Variants in PLEKHA7 observed in about 807,000 individuals in gnomAD.
The protein encoded by PLEKHA7 is pleckstrin homology domain containing A7.
A neutral mutation model predicts 170.0 loss-of-function variants in PLEKHA7; 104 were observed. That is an observed-to-expected ratio of 0.61 (90% confidence interval 0.52 to 0.72). The LOEUF (loss-of-function observed/expected upper bound fraction) is 0.72, where lower values mean the gene tolerates loss of function less well. Ranked by LOEUF, PLEKHA7 falls within the 30% of genes least tolerant of loss-of-function variation. The probability of loss-of-function intolerance (pLI) is 0.00; values close to 1 mark genes in which losing one functional copy is unlikely to be tolerated. For synonymous variants in PLEKHA7, 648 were observed against 660.8 expected (o/e 0.98, Z 0.30); for missense variants, 1,615 against 1,671.7 (o/e 0.97, Z 0.59).
At chr11:16,895,339 A>G (rs1007934517) in intron 3 of PLEKHA7, among the ~76,000 whole-genome samples, 1 of 152,154 alleles carries the variant, frequency 6.6e-6, no homozygotes, top group African/African-American at 2.4e-5. Context: ...AATAACTCCT[A>G]CCTCTGAAGA....
intron 3 of PLEKHA7, among the ~76,000 whole-genome samples, chr11:16,966,197 A>G (rs769457913): frequency 6.6e-6 from 1 of 152,068 alleles, no homozygotes; most frequent in East Asian, 1.9e-4. Context: ...AAACAAACAC[A>G]TGCACAAGAC....
chr11:16,801,321 G>A (rs1014109077), intron 16 of PLEKHA7, among the ~76,000 whole-genome samples: 1 of 152,206 alleles, frequency 6.6e-6, no homozygotes, highest in Admixed American at 6.5e-5. Flanking sequence ...GCCCTGGCCT[G>A]TACCACAACA....
At chr11:16,937,589 T>A (rs370479786) in intron 3 of PLEKHA7, among the ~76,000 whole-genome samples, 41 of 152,078 alleles carry the variant, frequency 2.7e-4, no homozygotes, top group Middle Eastern at 6.8e-3. Flanking sequence ...CACTTAGCTA[T>A]CCCTTAACTA....
chr11:16,933,135 T>C (rs942962936), intron 3 of PLEKHA7, among the ~76,000 whole-genome samples: 1 of 152,260 alleles, frequency 6.6e-6, no homozygotes, highest in African/African-American at 2.4e-5. Context: ...TGCTTAGCTA[T>C]GTGCTCTGAA....
At chr11:16,885,207 G>A (rs1241415128) in intron 3 of PLEKHA7, among the ~76,000 whole-genome samples, 1 of 151,706 alleles carries the variant, frequency 6.6e-6, no homozygotes, top group African/African-American at 2.4e-5. Flanking sequence ...GCACATGCCT[G>A]TAATCTCAGC....
chr11:16,863,260 T>A (rs1854119995), intron 4 of PLEKHA7, among the ~76,000 whole-genome samples: 1 of 152,158 alleles, frequency 6.6e-6, no homozygotes, highest in South Asian at 2.1e-4. Flanking sequence ...AAAGACAGTA[T>A]CTTCTTTAAG....
chr11:16,912,094 C>T (rs1315698365), intron 3 of PLEKHA7, among the ~76,000 whole-genome samples: 1 of 152,186 alleles, frequency 6.6e-6, no homozygotes, highest in Non-Finnish European at 1.5e-5. Flanking sequence ...CTGCAGATGT[C>T]ACAGGCTTCT....
At chr11:16,798,416 G>A (rs1417588334) in intron 17 of PLEKHA7, among the ~76,000 whole-genome samples, 4 of 152,058 alleles carry the variant, frequency 2.6e-5, no homozygotes, top group Non-Finnish European at 4.4e-5. Flanking sequence ...TCTCCAGGGC[G>A]TCTGTGACAA....
intron 9 of PLEKHA7, among the ~76,000 whole-genome samples, chr11:16,828,273 T>G (rs1325811988): frequency 6.6e-6 from 1 of 152,186 alleles, no homozygotes; most frequent in African/African-American, 2.4e-5. Context: ...CTCCTGACAG[T>G]GGGTGCGTTC....
rs1849900172 is a variant in PLEKHA7, at chr11:16,817,987, TG to T, written c.1344-666del. ...CTCAACACCCACCTTGCAGGCCTGC[TG>T]TTTTCTCACTGCTCTTCCTACGGGC... On this transcript the variant is annotated intron_variant, in intron 10 of 26. Coordinates refer to ENST00000531066, the MANE Select transcript of PLEKHA7 (RefSeq NM_001329630.2). This position sits in a 1 kb window ranked among gnomAD's most constrained non-coding sequence, Gnocchi z 4.4. 6.6e-6 allele frequency among the ~76,000 whole-genome samples: 1 copy of T among 152,172 alleles called. No individual in the cohort carries two copies. The highest frequency in any genetic ancestry group is 1.5e-5 in the Non-Finnish European group (1 of 68,030).
intron 3 of PLEKHA7, among the ~76,000 whole-genome samples, chr11:16,947,915 C>CAAAAAAAAAAAAAAAAAAAAA (rs756124686): frequency 1.5e-5 from 1 of 67,016 alleles, no homozygotes. Flanking sequence ...GACTCCGTCT[C>CAAAAAAAAAAAAAAAAAAAAA]AAAAAAAAAA....
intron 3 of PLEKHA7, among the ~76,000 whole-genome samples, chr11:16,919,228 G>T (rs181916470): frequency 7.9e-4 from 120 of 152,082 alleles, no homozygotes; most frequent in African/African-American, 2.8e-3. Context: ...AGAAAGAAAA[G>T]AAAAGAAAGA....
At chr11:16,867,089 T>TG (rs966876719) in intron 4 of PLEKHA7, among the ~76,000 whole-genome samples, 3 of 148,012 alleles carry the variant, frequency 2.0e-5, no homozygotes, top group African/African-American at 7.5e-5. Flanking sequence ...CACTTGGGGG[T>TG]GGGGGGTGAA....
At chr11:16,879,213 T>C (rs1855530945) in intron 3 of PLEKHA7, among the ~76,000 whole-genome samples, 1 of 152,178 alleles carries the variant, frequency 6.6e-6, no homozygotes, top group Non-Finnish European at 1.5e-5. Flanking sequence ...GTGTGTTTGT[T>C]CTCCTCCCTG....
At chr11:16,850,901 T>A in intron 8 of PLEKHA7, among the ~76,000 whole-genome samples, 1 of 152,022 alleles carries the variant, frequency 6.6e-6, no homozygotes, top group Non-Finnish European at 1.5e-5. Flanking sequence ...CTGAGTACGG[T>A]GATAAGACAG....
At chr11:16,924,343 G>A (rs1352982022) in intron 3 of PLEKHA7, among the ~76,000 whole-genome samples, 1 of 152,192 alleles carries the variant, frequency 6.6e-6, no homozygotes, top group Non-Finnish European at 1.5e-5. Flanking sequence ...ACAGCCCCCA[G>A]GCCTGAAAAT....
rs74915382 is a variant in PLEKHA7, at chr11:16,857,094, T to C, written c.306-1180A>G. Among the ~76,000 whole-genome samples, 16 of 152,210 alleles carry C rather than the reference T, an allele frequency of 1.1e-4. No homozygotes were observed. In the South Asian group the frequency reaches 1.7e-3, roughly 16 times the overall value. ...TGAGGGAACATCCTAGTTTCCACCA[T>C]GGAAATATACTGTTTTCTTCGAAGA... On this transcript the variant is annotated intron_variant, in intron 4 of 26. Coordinates refer to ENST00000531066, the MANE Select transcript of PLEKHA7 (RefSeq NM_001329630.2).
At chr11:16,799,998 G>A (rs1407086160) in intron 17 of PLEKHA7, among the ~76,000 whole-genome samples, 1 of 152,176 alleles carries the variant, frequency 6.6e-6, no homozygotes, top group Non-Finnish European at 1.5e-5. Context: ...CTGGGGTGAG[G>A]CTAATGTCTG....
chr11:16,937,116 C>A (rs922923280), intron 3 of PLEKHA7, among the ~76,000 whole-genome samples: 1 of 151,758 alleles, frequency 6.6e-6, no homozygotes, highest in East Asian at 1.9e-4. Context: ...TGTTAATAAC[C>A]GTGGAGTAAA....
Sources: gnomAD v4.1 joint callset for allele counts (sites outside exome capture counted in the v4.1 genomes callset) on GRCh38, gnomAD v4.1.1 for gene constraint, Gnocchi (gnomAD v3.1) non-coding constraint, MANE v1.5 for transcripts, NCBI Gene and HGNC (gene_info 2026-07-23, HGNC 2026-07-21) for gene names.